Variants in SPTBN5 observed in about 807,000 individuals in gnomAD.
SPTBN5 encodes the protein spectrin beta, non-erythrocytic 5.
Under a neutral mutation model 477.6 loss-of-function variants are expected in SPTBN5, and 513 were observed. The ratio of observed to expected loss-of-function variants is 1.07; its 90% CI spans 1.00 to 1.16. The LOEUF is 1.16. Ranked by LOEUF, SPTBN5 falls within the 50% of genes most tolerant of loss-of-function variation. The pLI is 0.00. For missense variants in SPTBN5, 5,062 were observed against 4,731.8 expected (o/e 1.07, Z -2.05); for synonymous variants, 2,169 against 2,011.7 (o/e 1.08, Z -2.09).
Position 41,852,886 on chromosome 15 carries a change from G to T in SPTBN5, c.10285C>A (p.Leu3429Met). The stretch of plus-strand genomic sequence containing the variant: ...GCCAGCCAGGCCTCAGCCTGCTCCA[G>T]CCTCTGCCGAAGCTTCTGCAGGCCC... Reference protein sequence around the residue: ...SWGLQKLRQRLEQAEAWLACW... With the variant: ...SWGLQKLRQRMEQAEAWLACW... The change falls in exon 60 of 68, where the codon CTG (leucine) becomes ATG (methionine). Residue 3429 changes from leucine to methionine, a missense_variant. Coordinates refer to ENST00000320955, the MANE Select transcript of SPTBN5 (RefSeq NM_016642.4). The T allele has an allele frequency of 6.2e-7, 1 of 1,609,060 alleles. No individual in the cohort carries two copies.
chr15:41,852,029 C>T, intron 62 of SPTBN5, 153 bp downstream of exon 62: 1 of 1,018,270 alleles, frequency 9.8e-7, no homozygotes. Flanking sequence ...TGGCTGTAGA[C>T]AGCCATCTTT....
Position 41,868,221 on chromosome 15 carries a change from G to T in SPTBN5, c.6058-3C>A. 6.3e-7 allele frequency: 1 copy of T among 1,580,968 alleles called. No individual in the cohort carries two copies. The highest frequency in any genetic ancestry group is 8.6e-7 in the Non-Finnish European group (1 of 1,163,610). On this transcript the variant is annotated splice_region_variant and splice_polypyrimidine_tract_variant and intron_variant, in intron 33 of 67. Transcript: ENST00000320955. ...AGGGCTCGAAGCTCTTCCTGGACCTGGGGATGGACACATGAGGAGCCTCAG... is the reference window on the plus strand; with the variant it reads ...AGGGCTCGAAGCTCTTCCTGGACCTTGGGATGGACACATGAGGAGCCTCAG...
chr15:41,883,748 T>C (rs2067057580), intron 7 of SPTBN5, among the ~76,000 whole-genome samples: 1 of 151,996 alleles, frequency 6.6e-6, no homozygotes, highest in South Asian at 2.1e-4. Flanking sequence ...CAGTCCCCAT[T>C]TCAGTTGATG....
chr15:41,890,789 C>T (rs886504475), intron 3 of SPTBN5, among the ~76,000 whole-genome samples: 1 of 152,208 alleles, frequency 6.6e-6, no homozygotes, highest in Non-Finnish European at 1.5e-5. Flanking sequence ...CTTAGGTACA[C>T]CAAAGTTGAG....
intron 53 of SPTBN5, 118 bp from the exon 54 acceptor site, chr15:41,855,863 T>C: frequency 8.9e-7 from 1 of 1,126,954 alleles, no homozygotes; most frequent in Non-Finnish European, 1.2e-6. Flanking sequence ...TCACGCTCCC[T>C]CAGCCTGGCC....
Position 41,876,658 on chromosome 15 carries a change from G to GGC in SPTBN5, c.3852-12_3852-11insGC, listed in dbSNP as rs1555467566. 1 of 1,458,266 alleles carries GGC rather than the reference G, an allele frequency of 6.9e-7. No homozygotes were observed. Among genetic ancestry groups the GGC allele is most frequent in the East Asian group, 2.3e-5 (1 of 42,840 alleles). 90.3% of individuals were successfully genotyped at this position (1,458,266 alleles called of 1,614,324 possible). A position where few individuals can be genotyped will look rare whatever the true frequency, so the allele number is the denominator to read the frequency against. ...AGCTGCTCTCTGACCCTGGAGGGCG[G>GGC]GGGGGGGTTGGAGGAGGGCATGGGA... On this transcript the variant is annotated splice_polypyrimidine_tract_variant and intron_variant, in intron 19 of 67. Transcript: ENST00000320955.
In SPTBN5 at chr15:41,858,928, G is replaced by T; in HGVS notation, c.8041C>A (p.Leu2681Ile). 1 of 1,595,110 alleles carries T rather than the reference G, an allele frequency of 6.3e-7. No individual in the cohort carries two copies. Among genetic ancestry groups the T allele is most frequent in the Admixed American group, 1.7e-5 (1 of 58,480 alleles). The stretch of plus-strand genomic sequence containing the variant: ...TGCAGGAAGGCCTGCAGCTGCCGGA[G>T]CTCCTCCAGGCGATGGCGGCGGGTC... ...AGTRRHRLEELRQLQAFLQDS... is the reference protein window; with the variant it reads ...AGTRRHRLEEIRQLQAFLQDS... The change falls in exon 48 of 68, where the codon CTC (leucine) becomes ATC (isoleucine). Residue 2681 changes from leucine to isoleucine, a missense_variant. Transcript: ENST00000320955.
At chr15:41,858,326 C>T (rs1423960941) in intron 49 of SPTBN5, among the ~76,000 whole-genome samples, 2 of 151,806 alleles carry the variant, frequency 1.3e-5, no homozygotes, top group East Asian at 1.9e-4. Context: ...CTCCTTCGCT[C>T]ACAGGACTGG....
chr15:41,854,846 G>C lies in SPTBN5; in HGVS notation c.9554C>G (p.Ala3185Gly), dbSNP rs1178543494. The change falls in exon 56 of 68, where the codon GCC (alanine) becomes GGC (glycine). Residue 3185 changes from alanine (A) to glycine (G), a missense_variant. Transcript: ENST00000320955. ...AGCAGCCTCAATGCGGCTCCTCTGG[G>C]CTTGGATGTGGGGATAGCGCCTGGG... The part of the protein sequence containing the change: ...GAPRRYPHIQ[A>G]QRSRIEAAWE... 1.2e-6 allele frequency: 2 copies of C among 1,606,736 alleles called. No homozygotes were observed. Among genetic ancestry groups the C allele is most frequent in the Non-Finnish European group, 1.7e-6 (2 of 1,176,604 alleles).
rs550297635 is a variant in SPTBN5, at chr15:41,855,665, T to C, written c.9102A>G (p.Thr3034=). ...CCTCCAGCCGCCGCAGAAGGGCCTGTGTGGCTTCAGCACTGTGGCCCATGT... is the reference window on the plus strand; with the variant it reads ...CCTCCAGCCGCCGCAGAAGGGCCTGCGTGGCTTCAGCACTGTGGCCCATGT... ...SEDMGHSAEA[T]QALLRRLEAT... The change falls in exon 54 of 68, where the codon ACA becomes ACG. Residue 3034 remains threonine, a synonymous_variant. Coordinates refer to ENST00000320955, the MANE Select transcript of SPTBN5 (RefSeq NM_016642.4). 8.1e-6 allele frequency: 13 copies of C among 1,606,826 alleles called. No homozygotes were observed. In the African/African-American group the frequency reaches 1.5e-4, roughly 18 times the overall value.
Position 41,882,428 on chromosome 15 carries a change from T to C in SPTBN5, c.2088A>G (p.Val696=). 4 of 1,548,514 alleles carry C rather than the reference T, an allele frequency of 2.6e-6. No individual in the cohort carries two copies. The highest frequency in any genetic ancestry group is 3.5e-6 in the Non-Finnish European group (4 of 1,153,832). Residue 696 remains valine, a synonymous_variant, in exon 11 of 68, where the codon GTA becomes GTG. Coordinates refer to ENST00000320955, the MANE Select transcript of SPTBN5 (RefSeq NM_016642.4). ...AEVHRHQAVC[V]DLVRRGRDLS... Reference sequence around the variant, plus strand: ...GGTCGCGTCCCCTCCGCACGAGATCTACGCACACGGCCTGGTGGCGGTGGA... The same window carrying C: ...GGTCGCGTCCCCTCCGCACGAGATCCACGCACACGGCCTGGTGGCGGTGGA...
intron 14 of SPTBN5, 84 bp from the exon 15 acceptor site, chr15:41,879,948 G>A: frequency 6.4e-7 from 1 of 1,557,416 alleles, no homozygotes; most frequent in East Asian, 2.3e-5. Context: ...CCTGAGTGGT[G>A]CTCTCTGCTA....
Position 41,862,572 on chromosome 15 carries a change from C to A in SPTBN5, c.7352G>T (p.Ser2451Ile). 6.4e-7 allele frequency: 1 copy of A among 1,560,380 alleles called. No individual in the cohort carries two copies. Among genetic ancestry groups the A allele is most frequent in the Admixed American group, 1.9e-5 (1 of 52,320 alleles). Reference sequence around the variant, plus strand: ...GGCCCTGCTCCGGAGCTGCCACCAGCTCTCAGCCACCTCCTGCTGCCTGTG... The same window carrying A: ...GGCCCTGCTCCGGAGCTGCCACCAGATCTCAGCCACCTCCTGCTGCCTGTG... ...LRHRQQEVAE[S>I]WWQLRSRAQK... Residue 2451 changes from serine (S) to isoleucine (I), a missense_variant, in exon 43 of 68, where the codon AGC becomes ATC. Ser to Ile is a moderately radical substitution (Grantham distance 142). Coordinates refer to ENST00000320955, the MANE Select transcript of SPTBN5 (RefSeq NM_016642.4).
rs909138774 is a variant in SPTBN5, at chr15:41,893,537, C to T, written c.-40G>A. 31 of 1,536,950 alleles carry T rather than the reference C, an allele frequency of 2.0e-5. No individual in the cohort carries two copies. Among genetic ancestry groups the T allele is most frequent in the Non-Finnish European group, 2.6e-5 (30 of 1,147,056 alleles). ...TTGGGGATGAGGAGCTGCTGGATGG[C>T]TCCCTAAACCTGGAGGGCATGCAGA... is the stretch of plus-strand genomic sequence containing the variant. On this transcript the variant is annotated 5_prime_UTR_variant, in exon 2 of 68. Coordinates refer to ENST00000320955, the MANE Select transcript of SPTBN5 (RefSeq NM_016642.4).
chr15:41,869,960 G>A lies in SPTBN5; in HGVS notation c.5734C>T (p.His1912Tyr), dbSNP rs972530809. Residue 1912 changes from histidine (H) to tyrosine (Y), a missense_variant, in exon 32 of 68, where the codon CAT becomes TAT. Coordinates refer to ENST00000320955, the MANE Select transcript of SPTBN5 (RefSeq NM_016642.4). Reference sequence around the variant, plus strand: ...GCTTGCTGCCTCTGCTGCACCGCATGGGCCTGAGGCCCCGGACACAGCTTC... The same window carrying A: ...GCTTGCTGCCTCTGCTGCACCGCATAGGCCTGAGGCCCCGGACACAGCTTC... ...VQKLCPGPQAHAVQQRQQAVT... is the reference protein window; with the variant it reads ...VQKLCPGPQAYAVQQRQQAVT... The A allele has an allele frequency of 1.9e-6, 3 of 1,544,378 alleles. No homozygotes were observed. Among genetic ancestry groups the A allele is most frequent in the African/African-American group, 1.4e-5 (1 of 72,584 alleles).
rs2065863952 is a variant in SPTBN5, at chr15:41,854,182, G to A, written c.9642C>T (p.Val3214=). The A allele has an allele frequency of 4.4e-6, 7 of 1,600,026 alleles. No homozygotes were observed. Among genetic ancestry groups the A allele is most frequent in the African/African-American group, 1.3e-5 (1 of 74,868 alleles). Residue 3214 remains valine (V), a synonymous_variant, in exon 57 of 68, where the codon GTC becomes GTT. Transcript: ENST00000320955. ...CAGCTGCTGCCTGCTGAAAGCTGTG[G>A]ACCTCATGGGCTGCAGCCAAGTTCT... is the stretch of plus-strand genomic sequence containing the variant. ...RTENLAAAHE[V]HSFQQAAAEL...
chr15:41,852,937 G>T lies in SPTBN5; in HGVS notation c.10234C>A (p.Arg3412Ser). 2 of 1,581,514 alleles carry T rather than the reference G, an allele frequency of 1.3e-6. No homozygotes were observed. The highest frequency in any genetic ancestry group is 2.3e-5 in the East Asian group (1 of 42,652). ...LQELEEAWAL[R>S]WQRCAESWGL... ...CAGCTCTCGGCACAGCGTTGCCAGC[G>T]CAGGGCCCAAGCCTCCTCCAGCTCC... is the stretch of plus-strand genomic sequence containing the variant. Residue 3412 changes from arginine (R) to serine (S), a missense_variant, in exon 60 of 68, where the codon CGC becomes AGC. Arg to Ser is a moderately radical substitution (Grantham distance 110, BLOSUM62 -1). Transcript: ENST00000320955.
chr15:41,856,402 T>C lies in SPTBN5; in HGVS notation c.9005A>G (p.Gln3002Arg). ...TCCCCTCACCTCAGTCAGAAACTGC[T>C]GGGCCTCCTGAGCCTGCTGCAGCAG... is the stretch of plus-strand genomic sequence containing the variant. Reference protein sequence around the residue: ...RLLLQQAQEAQQFLTELLEAG... With the variant: ...RLLLQQAQEARQFLTELLEAG... The change falls in exon 53 of 68, where the codon CAG becomes CGG. Residue 3002 changes from glutamine to arginine, a missense_variant. Gln to Arg is a conservative substitution (Grantham distance 43, BLOSUM62 1). Transcript: ENST00000320955. 6.3e-7 allele frequency: 1 copy of C among 1,581,294 alleles called. No homozygotes were observed. The highest frequency in any genetic ancestry group is 2.3e-5 in the East Asian group (1 of 44,088).
chr15:41,857,808 C>T, intron 49 of SPTBN5, 98 bp from the exon 50 acceptor site: 5 of 1,409,096 alleles, frequency 3.5e-6, no homozygotes, highest in Middle Eastern at 2.5e-4. Flanking sequence ...CTGCAGAGTC[C>T]CTGCGGTCCA....
Sources: allele counts gnomAD v4.1 joint callset (sites outside exome capture counted in the v4.1 genomes callset), GRCh38; gene constraint gnomAD v4.1.1; transcripts MANE v1.5; gene names NCBI Gene and HGNC (gene_info 2026-07-23, HGNC 2026-07-21).